CDH12: variants seen among roughly 807,000 people sequenced by gnomAD.
The protein encoded by CDH12 is cadherin 12.
CDH12 carries 41 observed loss-of-function variants against 74.1 expected under a neutral mutation model. That is an observed-to-expected ratio of 0.55 (90% CI 0.43 to 0.72). The LOEUF is 0.72. CDH12 is among the 30% of genes least tolerant of loss of function. The pLI, the probability that CDH12 is intolerant of heterozygous loss-of-function variation, is 0.00. For synonymous variants in CDH12, 399 were observed against 355.0 expected (o/e 1.12, Z -1.39); for missense variants, 945 against 977.2 (o/e 0.97, Z 0.44).
chr5:22,591,268 A>C (rs937249515), intron 1 of CDH12, among the ~76,000 whole-genome samples: 1 of 152,222 alleles, frequency 6.6e-6, no homozygotes, highest in African/African-American at 2.4e-5. Flanking sequence ...TATAAAATAC[A>C]ATATTTGAGC....
At chr5:22,207,757 C>T (rs920551606) in intron 4 of CDH12, among the ~76,000 whole-genome samples, 21 of 152,066 alleles carry the variant, frequency 1.4e-4, no homozygotes, top group South Asian at 4.2e-4. Context: ...ATAGTATGCC[C>T]CAAAATTCAA....
rs150376491 is a variant in CDH12 at position 22,306,614 on chromosome 5, C to A, written c.-332-93971G>T. On this transcript the variant is annotated intron_variant, in intron 3 of 14. Coordinates refer to ENST00000382254, the MANE Select transcript of CDH12 (RefSeq NM_004061.5). ...TACAGAAATTAAATGAGGATGCTTA[C>A]AGTTTCTAGCACACACTTTGTGCTC... is the stretch of plus-strand genomic sequence containing the variant. 1.6e-3 allele frequency among the ~76,000 whole-genome samples: 236 copies of A among 152,216 alleles called. 2 individuals are homozygous for A. The highest frequency in any genetic ancestry group is 5.3e-3 in the African/African-American group (219 of 41,532).
At chr5:22,200,453 C>A (rs1750867611) in intron 4 of CDH12, among the ~76,000 whole-genome samples, 2 of 152,118 alleles carry the variant, frequency 1.3e-5, no homozygotes, top group South Asian at 4.1e-4. Context: ...AAATGTCACC[C>A]AGTTATTACA....
intron 5 of CDH12, among the ~76,000 whole-genome samples, chr5:22,020,354 G>C (rs2150160525): frequency 6.6e-6 from 1 of 152,156 alleles, no homozygotes; most frequent in Middle Eastern, 3.4e-3. Flanking sequence ...AGGAGTTCAA[G>C]ACCAGCCTGG....
At chr5:21,910,413 A>G (rs1753813089) in intron 6 of CDH12, among the ~76,000 whole-genome samples, 1 of 152,240 alleles carries the variant, frequency 6.6e-6, no homozygotes, top group East Asian at 1.9e-4. Context: ...CGCACCTGCC[A>G]GAAAATTCAG....
intron 1 of CDH12, among the ~76,000 whole-genome samples, chr5:22,524,869 G>C (rs963307873): frequency 6.6e-6 from 1 of 151,442 alleles, no homozygotes; most frequent in Non-Finnish European, 1.5e-5. Flanking sequence ...ATGCAGGTTT[G>C]TTACATATGT....
chr5:22,632,678 G>A (rs1052258787), intron 1 of CDH12, among the ~76,000 whole-genome samples: 17 of 152,114 alleles, frequency 1.1e-4, no homozygotes, highest in African/African-American at 3.6e-4. Flanking sequence ...GAGATTTGTA[G>A]GGCACCATCA....
At chr5:22,014,158 C>T (rs1369942110) in intron 5 of CDH12, among the ~76,000 whole-genome samples, 2 of 152,140 alleles carry the variant, frequency 1.3e-5, no homozygotes, top group Admixed American at 1.3e-4. Flanking sequence ...ACCCAGGAGG[C>T]GGATGTTGCA....
chr5:21,951,261 T>C (rs1755848607), intron 6 of CDH12, among the ~76,000 whole-genome samples: 1 of 152,148 alleles, frequency 6.6e-6, no homozygotes, highest in African/African-American at 2.4e-5. Context: ...TTTATTTATT[T>C]ATTTTTAGGC....
intron 2 of CDH12, among the ~76,000 whole-genome samples, chr5:22,462,457 T>G (rs1015279395): frequency 2.0e-5 from 3 of 152,194 alleles, no homozygotes; most frequent in African/African-American, 7.2e-5. Context: ...TTTCCATTTT[T>G]GAAACAGCAA....
intron 5 of CDH12, 39 bp from the exon 6 acceptor site, chr5:21,975,424 G>A (rs745463219): frequency 7.0e-7 from 1 of 1,438,262 alleles, no homozygotes; most frequent in East Asian, 2.3e-5. Context: ...AAGAGAAAGA[G>A]AAGGACAAAG....
At position 22,666,282 on chromosome 5, in the gene CDH12, C is replaced by CTTTTTTTTTT. The variant is rs1161509257; in HGVS notation, c.-522-160928_-522-160919dup. ...TTATGGGATTTCTGTATCTCTCTAT[C>CTTTTTTTTTT]TTTTTTTTTTTTTTTTTTTGTTTTT... On this transcript the variant is annotated intron_variant, in intron 1 of 14. Coordinates refer to ENST00000382254, the MANE Select transcript of CDH12 (RefSeq NM_004061.5). 6.8e-4 allele frequency among the ~76,000 whole-genome samples: 57 copies of CTTTTTTTTTT among 83,528 alleles called. 1 individual carries two copies. The highest frequency in any genetic ancestry group is 1.1e-3 in the African/African-American group (23 of 21,156). 54.8% of individuals were successfully genotyped at this position (83,528 alleles called of 152,430 possible). A position where few individuals can be genotyped will look rare whatever the true frequency, so the allele number is the denominator to read the frequency against.
chr5:22,745,528 C>A (rs1745249440), intron 1 of CDH12, among the ~76,000 whole-genome samples: 1 of 151,984 alleles, frequency 6.6e-6, no homozygotes, highest in African/African-American at 2.4e-5. Flanking sequence ...AAAAGCCCAT[C>A]AATAATAGAC....
At chr5:22,004,368 T>C (rs1736808874) in intron 5 of CDH12, among the ~76,000 whole-genome samples, 1 of 152,172 alleles carries the variant, frequency 6.6e-6, no homozygotes, top group Non-Finnish European at 1.5e-5. Context: ...TTGTTAGCAA[T>C]AGGAAGGTTC....
rs1561586134 is a variant in CDH12 at position 22,698,733 on chromosome 5, ATAGTGT to A, written c.-523+154319_-523+154324del. ...TATATATATATATATATATATATATATAGTGTGTGTGTGTGTGTGTGTGTGTGTGTG... is the reference window on the plus strand; with the variant it reads ...TATATATATATATATATATATATATAGTGTGTGTGTGTGTGTGTGTGTGTG... On this transcript the variant is annotated intron_variant, in intron 1 of 14. Transcript: ENST00000382254. Among the ~76,000 whole-genome samples, 8 of 6,732 alleles carry A rather than the reference ATAGTGT, an allele frequency of 1.2e-3. 2 individuals are homozygous for A. Among genetic ancestry groups the A allele is most frequent in the South Asian group, 0.013 (2 of 154 alleles). 4.4% of individuals were successfully genotyped at this position (6,732 alleles called of 152,430 possible).
chr5:22,135,025 T>G (rs1014287969), intron 4 of CDH12, among the ~76,000 whole-genome samples: 3 of 151,866 alleles, frequency 2.0e-5, no homozygotes, highest in Non-Finnish European at 2.9e-5. Context: ...ATTGAGGAAA[T>G]CAAATGGCAA....
intron 3 of CDH12, among the ~76,000 whole-genome samples, chr5:22,341,269 A>G (rs990319361): frequency 6.6e-6 from 1 of 152,140 alleles, no homozygotes; most frequent in African/African-American, 2.4e-5. Context: ...GAATTCTTTG[A>G]GTCCAGGAGT....
chr5:22,808,605 C>CTTTTTT (rs34567315), intron 1 of CDH12, among the ~76,000 whole-genome samples: 19 of 111,464 alleles, frequency 1.7e-4, no homozygotes, highest in African/African-American at 2.2e-4. Flanking sequence ...CTTTTCTTGT[C>CTTTTTT]TTTTTTTTTT....
intron 1 of CDH12, among the ~76,000 whole-genome samples, chr5:22,732,615 A>G (rs140302679): frequency 6.2e-4 from 94 of 151,964 alleles, no homozygotes; most frequent in African/African-American, 2.2e-3. Flanking sequence ...TCCAATGTGA[A>G]CAGTGTCCTC....
Sources: allele counts gnomAD v4.1 joint callset (sites outside exome capture counted in the v4.1 genomes callset), GRCh38; gene constraint gnomAD v4.1.1; transcripts MANE v1.5; gene names NCBI Gene and HGNC (gene_info 2026-07-23, HGNC 2026-07-21).